Variants in RUFY3 observed in about 807,000 individuals in gnomAD.
RUFY3 encodes the protein protein RUFY3.
RUFY3 carries 34 observed loss-of-function variants against 84.0 expected under a neutral mutation model. That is an observed-to-expected ratio of 0.40 (90% CI 0.31 to 0.54). RUFY3 has a LOEUF of 0.54. Ranked by LOEUF, RUFY3 falls within the 20% of genes least tolerant of loss-of-function variation. The probability of loss-of-function intolerance (pLI) is 0.39; values close to 1 mark genes in which losing one functional copy is unlikely to be tolerated. For synonymous variants in RUFY3, 242 were observed against 252.9 expected (o/e 0.96, Z 0.41); for missense variants, 507 against 736.8 (o/e 0.69, Z 3.61).
At chr4:70,760,308 A>G (rs547718209) in intron 1 of RUFY3, among the ~76,000 whole-genome samples, 3 of 152,334 alleles carry the variant, frequency 2.0e-5, no homozygotes, top group Admixed American at 1.3e-4. Context: ...ACCCAAGTCT[A>G]TCTCTCACCA....
At chr4:70,755,779 G>T (rs555349301) in intron 1 of RUFY3, among the ~76,000 whole-genome samples, 1 of 151,968 alleles carries the variant, frequency 6.6e-6, no homozygotes, top group Admixed American at 6.6e-5. Flanking sequence ...GTGAAACTCC[G>T]TATCTACTAA....
intron 5 of RUFY3, among the ~76,000 whole-genome samples, chr4:70,770,710 A>G (rs1021399981): frequency 6.6e-6 from 1 of 152,128 alleles, no homozygotes; most frequent in Non-Finnish European, 1.5e-5. Context: ...TCATTTGTTC[A>G]TGAGTAGCAC....
chr4:70,774,176 T>G (rs1727444836), intron 6 of RUFY3, among the ~76,000 whole-genome samples: 1 of 152,180 alleles, frequency 6.6e-6, no homozygotes, highest in Non-Finnish European at 1.5e-5. Context: ...ATCTCACTGT[T>G]CTTTTAGTAA....
At chr4:70,767,523 G>A (rs1726179624) in intron 4 of RUFY3, among the ~76,000 whole-genome samples, 2 of 152,072 alleles carry the variant, frequency 1.3e-5, no homozygotes, top group South Asian at 4.1e-4. Context: ...ATAAACACAT[G>A]TATGCAGGTT....
intron 1 of RUFY3, chr4:70,705,373 G>A: frequency 9.3e-7 from 1 of 1,072,722 alleles, no homozygotes; most frequent in Non-Finnish European, 1.2e-6. Flanking sequence ...CCCCCGCGGA[G>A]CTCCGCCTCC....
chr4:70,777,754 G>A (rs1047736840), intron 7 of RUFY3, among the ~76,000 whole-genome samples: 2 of 152,242 alleles, frequency 1.3e-5, no homozygotes, highest in South Asian at 2.1e-4. Flanking sequence ...CGCAAATAAC[G>A]TAATTTAGAA....
At chr4:70,737,982 CTTTT>C (rs747096904) in intron 1 of RUFY3, among the ~76,000 whole-genome samples, 7 of 121,248 alleles carry the variant, frequency 5.8e-5, no homozygotes, top group African/African-American at 9.7e-5. Context: ...CTATTAATTC[CTTTT>C]TTTTTTTTTT....
intron 7 of RUFY3, among the ~76,000 whole-genome samples, chr4:70,775,545 A>G (rs1727794440): frequency 6.6e-6 from 1 of 152,192 alleles, no homozygotes; most frequent in African/African-American, 2.4e-5. Context: ...ATTTTAAAAT[A>G]TGTGACATAT....
At chr4:70,742,518 AC>A (rs1418546077) in intron 1 of RUFY3, among the ~76,000 whole-genome samples, 1 of 152,006 alleles carries the variant, frequency 6.6e-6, no homozygotes, top group Non-Finnish European at 1.5e-5. Flanking sequence ...CCACCTGCGA[AC>A]CCTTCAGTCC....
At chr4:70,802,935 T>C (rs1431232473) in intron 15 of RUFY3, 21 bp from the exon 16 acceptor site, 1 of 1,580,006 alleles carries the variant, frequency 6.3e-7, no homozygotes, top group East Asian at 2.2e-5. Flanking sequence ...TTTGTCACAA[T>C]TTTTTACTTC....
chr4:70,763,988 C>G (rs960263717), intron 3 of RUFY3, among the ~76,000 whole-genome samples: 1 of 152,100 alleles, frequency 6.6e-6, no homozygotes, highest in African/African-American at 2.4e-5. Flanking sequence ...AAAAGGTATT[C>G]AGTGGGTTTG....
At chr4:70,716,584 C>T (rs1214796169) in intron 1 of RUFY3, among the ~76,000 whole-genome samples, 1 of 152,068 alleles carries the variant, frequency 6.6e-6, no homozygotes, top group Non-Finnish European at 1.5e-5. Context: ...TGGCTCATGC[C>T]TGTAATTCCA....
intron 1 of RUFY3, among the ~76,000 whole-genome samples, chr4:70,727,688 G>A (rs570642993): frequency 6.6e-6 from 1 of 150,946 alleles, no homozygotes; most frequent in South Asian, 2.1e-4. Context: ...TCGGGAGGCT[G>A]AGGCAGGAGA....
intron 8 of RUFY3, 98 bp from the exon 9 acceptor site, chr4:70,782,993 A>G (rs532690612): frequency 2.7e-5 from 19 of 704,664 alleles, no homozygotes; most frequent in Non-Finnish European, 4.2e-5. Context: ...TTCTAAGAAT[A>G]TCCAAGCCTG....
intron 8 of RUFY3, among the ~76,000 whole-genome samples, chr4:70,780,513 G>C (rs926379783): frequency 7.2e-5 from 11 of 152,120 alleles, no homozygotes; most frequent in Admixed American, 2.6e-4. Context: ...GGCTGGTCTT[G>C]AGCTCCCGGC....
At chr4:70,776,218 T>C (rs1354728924) in intron 7 of RUFY3, among the ~76,000 whole-genome samples, 2 of 152,154 alleles carry the variant, frequency 1.3e-5, no homozygotes, top group East Asian at 3.8e-4. Context: ...AAAGTTTAAT[T>C]TATAAATTAG....
At position 70,773,498 on chromosome 4, in the gene RUFY3, ATT is replaced by A; in HGVS notation, c.697-12_697-11del. ...TCTAATTTTATATTAAAACCTGAAA[ATT>A]CTCTCTGTAGGTTGGAGTTATAGAT... is the stretch of plus-strand genomic sequence containing the variant. On this transcript the variant is annotated splice_polypyrimidine_tract_variant and intron_variant, in intron 5 of 17. Coordinates refer to ENST00000381006, the MANE Select transcript of RUFY3 (RefSeq NM_001037442.4). 6.3e-7 allele frequency: 1 copy of A among 1,599,370 alleles called. No homozygotes were observed. The highest frequency in any genetic ancestry group is 8.6e-7 in the Non-Finnish European group (1 of 1,167,268).
intron 1 of RUFY3, chr4:70,741,803 G>A (rs1721362512): frequency 3.2e-6 from 2 of 634,212 alleles, no homozygotes; most frequent in African/African-American, 3.8e-5. Context: ...ATGGCAATAA[G>A]TGGAAATCTT....
At chr4:70,800,310 T>TTATA in intron 15 of RUFY3, 105 bp downstream of exon 15, 1 of 730,402 alleles carries the variant, frequency 1.4e-6, no homozygotes. Flanking sequence ...AGACACTGAC[T>TTATA]TATAATATTA....
Sources: gnomAD v4.1 joint callset for allele counts (sites outside exome capture counted in the v4.1 genomes callset) on GRCh38, gnomAD v4.1.1 for gene constraint, MANE v1.5 for transcripts, NCBI Gene and HGNC (gene_info 2026-07-23, HGNC 2026-07-21) for gene names.